Variants in EVI5 observed in about 807,000 individuals in gnomAD.
EVI5 encodes ecotropic viral integration site 5 protein homolog.
Under a neutral mutation model 112.0 loss-of-function variants are expected in EVI5, and 73 were observed. The observed-to-expected ratio is 0.65, with a 90% CI of 0.54 to 0.79. The LOEUF is 0.79. Among genes scored for constraint, EVI5 ranks in the 30% least tolerant of loss-of-function variants. EVI5 has a pLI of 0.00. For synonymous variants in EVI5, 305 were observed against 319.9 expected, an observed-to-expected ratio of 0.95 and a Z score of 0.50; for missense variants, 900 against 968.8, an observed-to-expected ratio of 0.93 and a Z score of 0.94.
At chr1:92,727,279 T>C (rs961414475) in intron 2 of EVI5, among the ~76,000 whole-genome samples, 3 of 152,154 alleles carry the variant, frequency 2.0e-5, no homozygotes. Context: ...GGAGTTTGGA[T>C]AGTAGTAATA....
chr1:92,615,845 C>A (rs1443821601), intron 16 of EVI5, among the ~76,000 whole-genome samples: 1 of 151,946 alleles, frequency 6.6e-6, no homozygotes, highest in East Asian at 1.9e-4. Flanking sequence ...AGGTGTGCTA[C>A]ACTTGAAAAA....
rs144726211 is a variant in EVI5, at chr1:92,597,614, C to T, written c.2070+7693G>A. Among the ~76,000 whole-genome samples the T allele has an allele frequency of 6.7e-3, 1,019 of 152,240 alleles. 11 individuals are homozygous for T. Among genetic ancestry groups the T allele is most frequent in the African/African-American group, 0.023 (937 of 41,534 alleles). On this transcript the variant is annotated intron_variant, in intron 18 of 19. Coordinates refer to ENST00000684568, the MANE Select transcript of EVI5 (RefSeq NM_001350197.2). ...GATAAATGTGTGAATATAGTGACAACTGCATACATTAAAAATCATTTATTG... is the reference window on the plus strand; with the variant it reads ...GATAAATGTGTGAATATAGTGACAATTGCATACATTAAAAATCATTTATTG...
chr1:92,620,415 T>C (rs957523782), intron 16 of EVI5, among the ~76,000 whole-genome samples: 1 of 121,578 alleles, frequency 8.2e-6, no homozygotes, highest in African/African-American at 3.1e-5. Context: ...CACAAATCTA[T>C]AAATCAAAGA....
chr1:92,765,847 G>A (rs555458543), intron 1 of EVI5, among the ~76,000 whole-genome samples: 6 of 152,112 alleles, frequency 3.9e-5, no homozygotes, highest in South Asian at 2.1e-4. Flanking sequence ...AAGCCAAGGC[G>A]GGAGGGTCGC....
At chr1:92,552,260 C>T (rs911905667) in intron 19 of EVI5, among the ~76,000 whole-genome samples, 1 of 151,990 alleles carries the variant, frequency 6.6e-6, no homozygotes, top group African/African-American at 2.4e-5. Flanking sequence ...TCAAAAGACC[C>T]TAAGAAATAT....
At chr1:92,549,636 T>A (rs1452113622) in intron 19 of EVI5, among the ~76,000 whole-genome samples, 2 of 151,884 alleles carry the variant, frequency 1.3e-5, no homozygotes, top group African/African-American at 4.8e-5. Flanking sequence ...TACAAAGAAC[T>A]CAAACAAATT....
intron 19 of EVI5, among the ~76,000 whole-genome samples, chr1:92,556,235 T>A (rs1347840414): frequency 6.6e-6 from 1 of 152,066 alleles, no homozygotes; most frequent in African/African-American, 2.4e-5. Context: ...GGCTAATTTT[T>A]GTATTTTTAG....
chr1:92,617,316 T>G (rs1317990299), intron 16 of EVI5, among the ~76,000 whole-genome samples: 1 of 152,194 alleles, frequency 6.6e-6, no homozygotes, highest in Admixed American at 6.5e-5. Context: ...TTTGGCTGGA[T>G]GGTCAGGGAC....
rs138711183 is a variant in EVI5, at chr1:92,537,441, A to G, written c.2167-23471T>C. 5.9e-4 allele frequency among the ~76,000 whole-genome samples: 90 copies of G among 152,318 alleles called. 3 individuals are homozygous for G. The East Asian group carries it at 0.014, about 23-fold the overall frequency. ...TTTCATGGAAAGATCTAATAATCAC[A>G]TAGTTTGTATTTCTAAGTTCTAGAG... On this transcript the variant is annotated intron_variant, in intron 19 of 19. Transcript: ENST00000684568.
At chr1:92,765,391 A>G (rs1300943548) in intron 1 of EVI5, among the ~76,000 whole-genome samples, 1 of 151,324 alleles carries the variant, frequency 6.6e-6, no homozygotes, top group Admixed American at 6.6e-5. Context: ...TATCATAATC[A>G]CAAAATTAAT....
chr1:92,568,975 T>A (rs1032347391), intron 18 of EVI5, among the ~76,000 whole-genome samples: 1 of 152,200 alleles, frequency 6.6e-6, no homozygotes, highest in Admixed American at 6.5e-5. Context: ...ATACATAGAT[T>A]TTCCACTGTG....
rs953526265 is a variant in EVI5, at chr1:92,625,919, G to A, written c.1543C>T (p.Pro515Ser). 2.4e-5 allele frequency: 38 copies of A among 1,604,196 alleles called. No individual in the cohort carries two copies. Among genetic ancestry groups the A allele is most frequent in the Non-Finnish European group, 3.1e-5 (36 of 1,172,784 alleles). Residue 515 changes from proline (P) to serine (S), a missense_variant, in exon 15 of 20, where the codon CCT (proline) becomes TCT (serine). By Grantham distance (74) the Pro-to-Ser change is moderately conservative (BLOSUM62 -1). Coordinates refer to ENST00000684568, the MANE Select transcript of EVI5 (RefSeq NM_001350197.2). ...AGCCTTGCAATATTATTCTCATCAG[G>A]AAGGGAGTTATTCCTCTAAAGAAGA... Reference protein sequence around the residue: ...LDIEKRNNSLPDENNIARLQE... With the variant: ...LDIEKRNNSLSDENNIARLQE...
rs77528406 is a variant in EVI5 at position 92,776,928 on chromosome 1, G to A, written c.-82+7908C>T. On this transcript the variant is annotated intron_variant, in intron 1 of 19. Transcript: ENST00000684568. ...CGCCATTCTCCTGCCTCAGCCTCCC[G>A]AGTAGCTGGGACTACAGACGCCCGC... Among the ~76,000 whole-genome samples, 397 of 151,404 alleles carry A rather than the reference G, an allele frequency of 2.6e-3. 3 individuals are homozygous for A. Among genetic ancestry groups the A allele is most frequent in the African/African-American group, 8.8e-3 (362 of 41,258 alleles).
intron 14 of EVI5, among the ~76,000 whole-genome samples, chr1:92,631,563 G>C (rs1657111985): frequency 6.6e-6 from 1 of 152,148 alleles, no homozygotes; most frequent in African/African-American, 2.4e-5. Context: ...TTGCTTATCA[G>C]CTTAAGGAGA....
At chr1:92,520,941 C>T (rs955555589) in intron 19 of EVI5, among the ~76,000 whole-genome samples, 11 of 149,766 alleles carry the variant, frequency 7.3e-5, no homozygotes, top group African/African-American at 1.5e-4. Flanking sequence ...CTGCAAAAAG[C>T]ACGTATGAGA....
At position 92,652,705 on chromosome 1, in the gene EVI5, T is replaced by C. The variant is rs576879611; in HGVS notation, c.1392+10014A>G. ...TGTATGCACAATCAAATACTATTCT[T>C]GGGGAGAGGGTTCGAGATGAATGAC... is the stretch of plus-strand genomic sequence containing the variant. On this transcript the variant is annotated intron_variant, in intron 13 of 19. Coordinates refer to ENST00000684568, the MANE Select transcript of EVI5 (RefSeq NM_001350197.2). Among the ~76,000 whole-genome samples, 8 of 152,290 alleles carry C rather than the reference T, an allele frequency of 5.3e-5. No individual in the cohort carries two copies. In the South Asian group the frequency reaches 1.7e-3, roughly 32 times the overall value.
At chr1:92,748,970 G>T (rs1386254160) in intron 1 of EVI5, among the ~76,000 whole-genome samples, 1 of 151,482 alleles carries the variant, frequency 6.6e-6, no homozygotes, top group Admixed American at 6.6e-5. Flanking sequence ...GGAGGCTGAG[G>T]CAGGAGAATC....
At chr1:92,660,200 T>A (rs1401621906) in intron 13 of EVI5, among the ~76,000 whole-genome samples, 2 of 151,958 alleles carry the variant, frequency 1.3e-5, no homozygotes, top group African/African-American at 4.8e-5. Context: ...TGTAACAAAA[T>A]GCACTTGGAT....
chr1:92,690,593 G>C (rs1669331839), intron 9 of EVI5, among the ~76,000 whole-genome samples: 1 of 151,594 alleles, frequency 6.6e-6, no homozygotes, highest in Non-Finnish European at 1.5e-5. Context: ...CAAGTGATCT[G>C]CCTACCTCGG....
Sources: gnomAD v4.1 joint callset for allele counts (sites outside exome capture counted in the v4.1 genomes callset) on GRCh38, gnomAD v4.1.1 for gene constraint, MANE v1.5 for transcripts, NCBI Gene and HGNC (gene_info 2026-07-23, HGNC 2026-07-21) for gene names.